Variants in MDFIC observed in about 807,000 individuals in gnomAD.
The protein encoded by MDFIC is myoD family inhibitor domain-containing protein.
A neutral mutation model predicts 23.2 loss-of-function variants in MDFIC; 17 were observed. The ratio of observed to expected loss-of-function variants is 0.73; its 90% CI spans 0.50 to 1.10. MDFIC has a LOEUF of 1.10. MDFIC is among the 50% of genes least tolerant of loss of function. The probability of loss-of-function intolerance (pLI) is 0.00; values close to 1 mark genes in which losing one functional copy is unlikely to be tolerated. For missense variants in MDFIC, 356 were observed against 316.6 expected (o/e 1.12, Z -0.95); for synonymous variants, 120 against 115.2 (o/e 1.04, Z -0.27).
At chr7:114,984,575 A>T (rs1371830559) in intron 4 of MDFIC, among the ~76,000 whole-genome samples, 1 of 152,134 alleles carries the variant, frequency 6.6e-6, no homozygotes, top group African/African-American at 2.4e-5. Context: ...AAATTTGTAG[A>T]TTTCTACTTG....
intron 4 of MDFIC, among the ~76,000 whole-genome samples, chr7:114,985,445 G>T (rs1161937390): frequency 3.3e-5 from 5 of 151,980 alleles, no homozygotes. Context: ...CAAGGCCAAA[G>T]GATTTTGTTT....
intron 4 of MDFIC, among the ~76,000 whole-genome samples, chr7:114,985,370 C>T (rs570653999): frequency 1.3e-4 from 20 of 152,128 alleles, no homozygotes; most frequent in Admixed American, 1.2e-3. Context: ...AAAGTCAATG[C>T]CTGGATGGGG....
chr7:114,923,612 A>G (rs1792135195), intron 2 of MDFIC: 3 of 1,469,282 alleles, frequency 2.0e-6, no homozygotes, highest in East Asian at 2.5e-5. Context: ...GCTTGTTTTC[A>G]ATAACTGGTT....
chr7:115,014,233 T>C lies in MDFIC; in HGVS notation c.494-1455T>C, dbSNP rs1053828078. On this transcript the variant is annotated intron_variant, in intron 4 of 4. Transcript: ENST00000393486. ...GTTCAAGGAGTTAGGGAGTTTAGGA[T>C]GGGATGCTTAGGGATAGGCCTGCAG... 17 of 985,234 alleles carry C rather than the reference T, an allele frequency of 1.7e-5. No individual in the cohort carries two copies. The South Asian group carries it at 6.6e-4, about 38-fold the overall frequency. 61.0% of individuals were successfully genotyped at this position (985,234 alleles called of 1,614,324 possible).
intron 3 of MDFIC, among the ~76,000 whole-genome samples, chr7:114,967,923 G>C (rs1475030133): frequency 2.0e-5 from 3 of 148,722 alleles, no homozygotes; most frequent in African/African-American, 7.5e-5. Context: ...AGACCTCCCA[G>C]TCTCAAGTGA....
chr7:114,960,377 C>T (rs749593616), intron 3 of MDFIC, among the ~76,000 whole-genome samples: 2 of 151,988 alleles, frequency 1.3e-5, no homozygotes, highest in African/African-American at 2.4e-5. Flanking sequence ...AAGCAGAGAA[C>T]CAGGGAGAAA....
intron 3 of MDFIC, among the ~76,000 whole-genome samples, chr7:114,969,687 G>C (rs1173465143): frequency 6.6e-6 from 1 of 152,084 alleles, no homozygotes; most frequent in Non-Finnish European, 1.5e-5. Flanking sequence ...TCTTGTTTTT[G>C]GCTGATCAGC....
chr7:114,990,708 A>G (rs1198364113), intron 4 of MDFIC, among the ~76,000 whole-genome samples: 4 of 152,188 alleles, frequency 2.6e-5, no homozygotes, highest in Admixed American at 1.3e-4. Flanking sequence ...ATAGTATTCC[A>G]TGGTGTATAT....
At chr7:115,004,307 T>C (rs1377587934) in intron 4 of MDFIC, among the ~76,000 whole-genome samples, 1 of 152,160 alleles carries the variant, frequency 6.6e-6, no homozygotes, top group Admixed American at 6.6e-5. Context: ...TTTACTCCAG[T>C]TGGGCGTGGT....
chr7:114,938,037 CCT>C (rs1332510132), intron 2 of MDFIC, among the ~76,000 whole-genome samples: 1 of 152,114 alleles, frequency 6.6e-6, no homozygotes, highest in Non-Finnish European at 1.5e-5. Flanking sequence ...CTCACTGCAA[CCT>C]CTGTCTTCCC....
At chr7:114,939,526 T>C (rs1014596304) in intron 2 of MDFIC, among the ~76,000 whole-genome samples, 5 of 152,200 alleles carry the variant, frequency 3.3e-5, no homozygotes, top group South Asian at 2.1e-4. Flanking sequence ...AAGGAAACTT[T>C]CTTAAAAATG....
At chr7:114,934,575 G>A (rs1274707877) in intron 2 of MDFIC, among the ~76,000 whole-genome samples, 1 of 151,694 alleles carries the variant, frequency 6.6e-6, no homozygotes, top group Non-Finnish European at 1.5e-5. Context: ...CATTCTTTTG[G>A]GTCTAAATAT....
chr7:114,923,260 A>G (rs747904603), intron 2 of MDFIC, 133 bp downstream of exon 2: 16 of 1,299,546 alleles, frequency 1.2e-5, no homozygotes, highest in Non-Finnish European at 1.6e-5. Context: ...ACTTTTGCAC[A>G]GTTCGCGTTA....
At chr7:114,982,114 C>T (rs1364196447) in intron 4 of MDFIC, among the ~76,000 whole-genome samples, 1 of 152,150 alleles carries the variant, frequency 6.6e-6, no homozygotes, top group East Asian at 1.9e-4. Context: ...ACCTGCTTGA[C>T]TCTCAGGATA....
intron 3 of MDFIC, among the ~76,000 whole-genome samples, chr7:114,976,060 C>T (rs1348838762): frequency 6.6e-6 from 1 of 151,964 alleles, no homozygotes; most frequent in Admixed American, 6.6e-5. Context: ...CCAGCCATAC[C>T]TAGTAATTTG....
chr7:114,942,583 C>G (rs1321339474), intron 3 of MDFIC, among the ~76,000 whole-genome samples, 186 bp downstream of exon 3: 3 of 152,120 alleles, frequency 2.0e-5, no homozygotes, highest in Non-Finnish European at 2.9e-5. Context: ...GTCAGTGTTG[C>G]CTTTCTTCAG....
chr7:114,998,616 T>G (rs2116067724), intron 4 of MDFIC, among the ~76,000 whole-genome samples: 1 of 152,308 alleles, frequency 6.6e-6, no homozygotes, highest in East Asian at 1.9e-4. Context: ...CTGAAAGTAC[T>G]TCTTATAATA....
intron 3 of MDFIC, among the ~76,000 whole-genome samples, chr7:114,958,892 T>C (rs1326869655): frequency 1.3e-5 from 2 of 152,188 alleles, no homozygotes; most frequent in Non-Finnish European, 2.9e-5. Flanking sequence ...TTGATAAACA[T>C]TGGGTTCACA....
At chr7:114,967,960 C>A (rs1227816669) in intron 3 of MDFIC, among the ~76,000 whole-genome samples, 4 of 151,682 alleles carry the variant, frequency 2.6e-5, no homozygotes, top group Non-Finnish European at 4.4e-5. Flanking sequence ...TCTCAAGTAG[C>A]TGATACCACA....
Sources: gnomAD v4.1 joint callset for allele counts (sites outside exome capture counted in the v4.1 genomes callset) on GRCh38, gnomAD v4.1.1 for gene constraint, MANE v1.5 for transcripts, NCBI Gene and HGNC (gene_info 2026-07-23, HGNC 2026-07-21) for gene names.